The following CNTNAP2 variants were observed in gnomAD, a reference collection of about 807,000 sequenced individuals.
CNTNAP2 encodes the protein contactin-associated protein-like 2.
CNTNAP2 carries 98 observed loss-of-function variants against 155.2 expected under a neutral mutation model. The ratio of observed to expected loss-of-function variants is 0.63; its 90% CI spans 0.54 to 0.75. The LOEUF (loss-of-function observed/expected upper bound fraction) is 0.75. Among genes scored for constraint, CNTNAP2 ranks in the 30% least tolerant of loss-of-function variants. The pLI is 0.00. For missense variants in CNTNAP2, 1,727 were observed against 1,688.1 expected (o/e 1.02, Z -0.40); for synonymous variants, 651 against 631.2 (o/e 1.03, Z -0.47).
At chr7:147,802,271 AGACGCTCCTCACTTTCCAGACTGGGC>A (rs1798011098) in intron 13 of CNTNAP2, among the ~76,000 whole-genome samples, 2 of 148,444 alleles carry the variant, frequency 1.3e-5, no homozygotes, top group African/African-American at 2.5e-5. Flanking sequence ...GGCCGGGCAG[AGACGCTCCTCACTTTCCAGACTGGGC>A]AGCCAGGCAG....
chr7:146,489,208 A>G (rs1475304360), intron 1 of CNTNAP2, among the ~76,000 whole-genome samples: 1 of 152,172 alleles, frequency 6.6e-6, no homozygotes, highest in Non-Finnish European at 1.5e-5. Context: ...TACAAATATA[A>G]TGTATCAATT....
chr7:146,271,229 C>A (rs1488676328), intron 1 of CNTNAP2, among the ~76,000 whole-genome samples: 1 of 151,858 alleles, frequency 6.6e-6, no homozygotes, highest in African/African-American at 2.4e-5. Flanking sequence ...AAACCTTAAC[C>A]CCTGAAACCA....
At chr7:148,069,131 T>C (rs537901441) in intron 15 of CNTNAP2, among the ~76,000 whole-genome samples, 70 of 152,338 alleles carry the variant, frequency 4.6e-4, no homozygotes, top group African/African-American at 1.5e-3. Flanking sequence ...TCTCTATGAC[T>C]GTTTTATATA....
intron 1 of CNTNAP2, among the ~76,000 whole-genome samples, chr7:146,751,340 A>G (rs1016932764): frequency 6.6e-6 from 1 of 152,184 alleles, no homozygotes; most frequent in Admixed American, 6.5e-5. Context: ...ATAATTACAT[A>G]TCACTATAAA....
chr7:147,995,329 C>T (rs1390586964), intron 15 of CNTNAP2, among the ~76,000 whole-genome samples: 1 of 152,150 alleles, frequency 6.6e-6, no homozygotes, highest in Non-Finnish European at 1.5e-5. Context: ...GGAAGCACTT[C>T]TCCAGCACAA....
At chr7:147,860,482 C>T (rs566438794) in intron 13 of CNTNAP2, among the ~76,000 whole-genome samples, 2 of 151,240 alleles carry the variant, frequency 1.3e-5, no homozygotes, top group South Asian at 2.1e-4. Flanking sequence ...CCCAGCTACT[C>T]GGGAAGCTGA....
intron 8 of CNTNAP2, among the ~76,000 whole-genome samples, chr7:147,137,900 GATAGATAGATAGATAGGTAGATAGATA>G: frequency 7.6e-6 from 1 of 131,952 alleles, no homozygotes; most frequent in Non-Finnish European, 1.7e-5. Context: ...TAGATAGATA[GATAGATAGATAGATAGGTAGATAGATA>G]AAAAGTATTG....
intron 4 of CNTNAP2, among the ~76,000 whole-genome samples, chr7:147,076,216 C>T (rs1799998248): frequency 6.6e-6 from 1 of 152,182 alleles, no homozygotes; most frequent in African/African-American, 2.4e-5. Context: ...CACTGTCTTC[C>T]ACAAAGGTTG....
At chr7:147,507,793 G>A (rs183916307) in intron 11 of CNTNAP2, among the ~76,000 whole-genome samples, 174 of 151,794 alleles carry the variant, frequency 1.1e-3, no homozygotes, top group Non-Finnish European at 1.3e-3. Flanking sequence ...CCTCGTGATC[G>A]GCCTGCCTCG....
At chr7:148,364,176 C>T (rs1798684978) in intron 21 of CNTNAP2, among the ~76,000 whole-genome samples, 1 of 152,242 alleles carries the variant, frequency 6.6e-6, no homozygotes, top group South Asian at 2.1e-4. Flanking sequence ...ATCGACCACC[C>T]AAGGGCTGAG....
intron 12 of CNTNAP2, among the ~76,000 whole-genome samples, chr7:147,573,321 G>A (rs2116811909): frequency 6.6e-6 from 1 of 152,242 alleles, no homozygotes; most frequent in Non-Finnish European, 1.5e-5. Flanking sequence ...CTCATGTTCG[G>A]TTTTTACTCA....
intron 18 of CNTNAP2, among the ~76,000 whole-genome samples, chr7:148,194,520 G>A (rs1795245791): frequency 6.6e-6 from 1 of 152,114 alleles, no homozygotes; most frequent in Non-Finnish European, 1.5e-5. Flanking sequence ...ATAGATAAGA[G>A]GGAATTTATT....
rs73160687 is a variant in CNTNAP2, at chr7:146,150,399, G to A, written c.97+33426G>A. On this transcript the variant is annotated intron_variant, in intron 1 of 23. Coordinates refer to ENST00000361727, the MANE Select transcript of CNTNAP2 (RefSeq NM_014141.6). ...TATGACACATCAGTTTCACTTCTAA[G>A]TATTTACTCTGTAGAAATAAAAACA... Among the ~76,000 whole-genome samples, 385 of 152,098 alleles carry A rather than the reference G, an allele frequency of 2.5e-3. 2 individuals are homozygous for A. Among genetic ancestry groups the A allele is most frequent in the Non-Finnish European group, 4.2e-3 (283 of 67,968 alleles).
intron 1 of CNTNAP2, among the ~76,000 whole-genome samples, chr7:146,762,432 C>G (rs557906578): frequency 6.6e-6 from 1 of 152,106 alleles, no homozygotes; most frequent in Non-Finnish European, 1.5e-5. Context: ...AACCCTGTCT[C>G]TACTAAGAAT....
intron 1 of CNTNAP2, among the ~76,000 whole-genome samples, chr7:146,747,409 A>T (rs1801827834): frequency 6.6e-6 from 1 of 152,164 alleles, no homozygotes. Flanking sequence ...TTTACTACGG[A>T]AAGAATTTGA....
chr7:147,660,333 T>A (rs1163443628), intron 13 of CNTNAP2, among the ~76,000 whole-genome samples: 2 of 152,188 alleles, frequency 1.3e-5, no homozygotes. Flanking sequence ...ACTCCACTTA[T>A]CCATAGAGAA....
intron 1 of CNTNAP2, among the ~76,000 whole-genome samples, chr7:146,261,566 A>T (rs1799919325): frequency 6.6e-6 from 1 of 151,324 alleles, no homozygotes; most frequent in South Asian, 2.1e-4. Flanking sequence ...AGTAATTATT[A>T]AAATTTCCTT....
chr7:148,371,239 T>C (rs1173290484), intron 21 of CNTNAP2, among the ~76,000 whole-genome samples: 1 of 152,148 alleles, frequency 6.6e-6, no homozygotes, highest in East Asian at 1.9e-4. Flanking sequence ...ATCAGCCCCA[T>C]TGTCCCAACA....
chr7:147,933,221 T>C (rs1302090767), intron 14 of CNTNAP2, among the ~76,000 whole-genome samples: 2 of 152,010 alleles, frequency 1.3e-5, no homozygotes, highest in Non-Finnish European at 2.9e-5. Context: ...AAATAAAAAA[T>C]GGTGCAGCTG....
Sources: gnomAD v4.1 joint callset for allele counts (sites outside exome capture counted in the v4.1 genomes callset) on GRCh38, gnomAD v4.1.1 for gene constraint, MANE v1.5 for transcripts, NCBI Gene and HGNC (gene_info 2026-07-23, HGNC 2026-07-21) for gene names.